Variants in LSM14A observed in about 807,000 individuals in gnomAD.
The protein encoded by LSM14A is protein LSM14 homolog A.
A neutral mutation model predicts 52.4 loss-of-function variants in LSM14A; 14 were observed. That is an observed-to-expected ratio of 0.27 (90% confidence interval 0.18 to 0.42). The LOEUF is 0.42. Among genes scored for constraint, LSM14A ranks in the 10% least tolerant of loss-of-function variants. The probability of loss-of-function intolerance (pLI) is 1.00; values close to 1 mark genes in which losing one functional copy is unlikely to be tolerated. For missense variants in LSM14A, 417 were observed against 581.8 expected (o/e 0.72, Z 2.91); for synonymous variants, 185 against 200.3 (o/e 0.92, Z 0.64).
chr19:34,227,189 A>G (rs2073387561), intron 9 of LSM14A, among the ~76,000 whole-genome samples, 176 bp from the exon 10 acceptor site: 1 of 152,230 alleles, frequency 6.6e-6, no homozygotes, highest in African/African-American at 2.4e-5. Flanking sequence ...ATGAGGTACT[A>G]CTGAGTATGG....
chr19:34,203,904 T>TAA (rs199861783), intron 3 of LSM14A, among the ~76,000 whole-genome samples: 14 of 126,082 alleles, frequency 1.1e-4, no homozygotes, highest in African/African-American at 2.6e-4. Flanking sequence ...AGACTGAATT[T>TAA]AAAAAAAAAA....
At chr19:34,182,842 A>C (rs1021686259) in intron 1 of LSM14A, among the ~76,000 whole-genome samples, 3 of 25,584 alleles carry the variant, frequency 1.2e-4, no homozygotes, top group Non-Finnish European at 2.9e-4. Flanking sequence ...ACTCCATCTC[A>C]AAAAAAAAAA....
At position 34,208,938 on chromosome 19, in the gene LSM14A, C is replaced by G. The variant is rs1188597891; in HGVS notation, c.425C>G (p.Ser142Cys). 2 of 1,593,226 alleles carry G rather than the reference C, an allele frequency of 1.3e-6. No individual in the cohort carries two copies. The highest frequency in any genetic ancestry group is 3.6e-5 in the Admixed American group (2 of 55,752). Residue 142 changes from serine (S) to cysteine (C), a missense_variant, in exon 4 of 10, where the codon TCT becomes TGT. Physicochemically the swap from Ser to Cys is moderately radical, Grantham distance 112 (BLOSUM62 -1). Transcript: ENST00000544216. ...AAAACATCTCTTTAAGCTGGAAGCT[C>G]TTTGACATCCTTTGGAACAGAAACA... is the stretch of plus-strand genomic sequence containing the variant. ...QFGAVGVAGS[S>C]LTSFGTETSN...
At chr19:34,209,732 T>C (rs556859422) in intron 4 of LSM14A, among the ~76,000 whole-genome samples, 2 of 152,298 alleles carry the variant, frequency 1.3e-5, no homozygotes, top group East Asian at 3.9e-4. Flanking sequence ...AGATGAGGTC[T>C]CCCTGTATTG....
At chr19:34,178,876 C>G (rs1463760556) in intron 1 of LSM14A, among the ~76,000 whole-genome samples, 1 of 152,124 alleles carries the variant, frequency 6.6e-6, no homozygotes, top group African/African-American at 2.4e-5. Flanking sequence ...CTTTGTGACT[C>G]AAGCTCAATT....
At chr19:34,192,632 C>CAAGAAAA (rs2070516649) in intron 1 of LSM14A, among the ~76,000 whole-genome samples, 1 of 76,952 alleles carries the variant, frequency 1.3e-5, no homozygotes, top group African/African-American at 5.0e-5. Context: ...ATCAGTTCTG[C>CAAGAAAA]AAAAAAAAAA....
chr19:34,190,097 C>A (rs961234448), intron 1 of LSM14A, among the ~76,000 whole-genome samples: 2 of 152,166 alleles, frequency 1.3e-5, no homozygotes, highest in Non-Finnish European at 1.5e-5. Context: ...TAGTTCTTTA[C>A]CTTTTCTGTG....
At chr19:34,182,492 T>C (rs2069553240) in intron 1 of LSM14A, among the ~76,000 whole-genome samples, 1 of 151,972 alleles carries the variant, frequency 6.6e-6, no homozygotes, top group Non-Finnish European at 1.5e-5. Context: ...TGTTTTTTGG[T>C]TTGGTTTGAT....
intron 1 of LSM14A, among the ~76,000 whole-genome samples, chr19:34,177,426 A>G (rs566722722): frequency 1.3e-5 from 2 of 152,316 alleles, no homozygotes; most frequent in Admixed American, 1.3e-4. Flanking sequence ...TATTGTCCAT[A>G]TTATAATTTA....
intron 9 of LSM14A, among the ~76,000 whole-genome samples, chr19:34,223,203 C>T (rs2073160069): frequency 6.6e-6 from 1 of 152,100 alleles, no homozygotes; most frequent in South Asian, 2.1e-4. Flanking sequence ...ACCTCAGCCT[C>T]CTATGTAGCT....
chr19:34,211,570 T>C (rs193109802), intron 4 of LSM14A, among the ~76,000 whole-genome samples: 4 of 152,226 alleles, frequency 2.6e-5, no homozygotes, highest in Non-Finnish European at 5.9e-5. Flanking sequence ...GATGATCACT[T>C]GAGCCCACGA....
At chr19:34,186,880 A>G (rs1031172125) in intron 1 of LSM14A, among the ~76,000 whole-genome samples, 7 of 152,130 alleles carry the variant, frequency 4.6e-5, no homozygotes, top group Admixed American at 2.6e-4. Context: ...TTGGTATTCA[A>G]CAGACTCGTT....
rs570134386 is a variant in LSM14A, at chr19:34,228,770, C to T, written c.*1382C>T. Reference sequence around the variant, plus strand: ...TTCTTAACTTTCTCCTTAAAACATTCAGTAGTGATAAAGATATAGAAACTG... The same window carrying T: ...TTCTTAACTTTCTCCTTAAAACATTTAGTAGTGATAAAGATATAGAAACTG... On this transcript the variant is annotated 3_prime_UTR_variant, in exon 10 of 10. Transcript: ENST00000544216. The T allele has an allele frequency of 2.0e-5, 3 of 152,644 alleles. No individual in the cohort carries two copies. The highest frequency in any genetic ancestry group is 2.0e-4 in the Admixed American group (3 of 15,274). The allele number at this position is 152,644 out of a possible 1,614,324, so 9.5% of individuals were successfully genotyped here.
At chr19:34,182,450 A>G (rs1207648633) in intron 1 of LSM14A, among the ~76,000 whole-genome samples, 1 of 151,860 alleles carries the variant, frequency 6.6e-6, no homozygotes, top group Admixed American at 6.6e-5. Context: ...GGAATTCACA[A>G]ATGTGATCAC....
At chr19:34,174,423 G>T (rs987196217) in intron 1 of LSM14A, among the ~76,000 whole-genome samples, 1 of 152,150 alleles carries the variant, frequency 6.6e-6, no homozygotes, top group Non-Finnish European at 1.5e-5. Flanking sequence ...AAATCACCAA[G>T]TCTAATTTTA....
At chr19:34,212,957 C>G (rs2072278526) in intron 4 of LSM14A, among the ~76,000 whole-genome samples, 1 of 152,048 alleles carries the variant, frequency 6.6e-6, no homozygotes, top group Non-Finnish European at 1.5e-5. Context: ...ATAAAATTAA[C>G]TGTAGCAGTA....
intron 4 of LSM14A, 107 bp from the exon 5 acceptor site, chr19:34,215,017 T>C (rs2072469873): frequency 1.3e-6 from 1 of 785,352 alleles, no homozygotes; most frequent in Admixed American, 3.1e-5. Context: ...AAATTTGTGC[T>C]AAGGGTTTGA....
intron 4 of LSM14A, among the ~76,000 whole-genome samples, chr19:34,209,546 C>T (rs1205033386): frequency 6.6e-6 from 1 of 152,074 alleles, no homozygotes; most frequent in Non-Finnish European, 1.5e-5. Context: ...CATCAGAATC[C>T]CTGGAGCCTG....
At chr19:34,219,901 T>C (rs774943941) in intron 8 of LSM14A, 24 bp downstream of exon 8, 14 of 1,521,850 alleles carry the variant, frequency 9.2e-6, no homozygotes, top group Non-Finnish European at 1.3e-5. Context: ...GCTGTTCTTT[T>C]ATCTTATGAT....
Sources: allele counts gnomAD v4.1 joint callset (sites outside exome capture counted in the v4.1 genomes callset), GRCh38; gene constraint gnomAD v4.1.1; transcripts MANE v1.5; gene names NCBI Gene and HGNC (gene_info 2026-07-23, HGNC 2026-07-21).